DISC1: variants seen among roughly 807,000 people sequenced by gnomAD.
DISC1 encodes DISC1 scaffold protein.
A neutral mutation model predicts 84.5 loss-of-function variants in DISC1; 57 were observed. That is an observed-to-expected ratio of 0.67 (90% CI 0.55 to 0.84). The LOEUF (loss-of-function observed/expected upper bound fraction) is 0.84. Ranked by LOEUF, DISC1 falls within the 40% of genes least tolerant of loss-of-function variation. The probability of loss-of-function intolerance (pLI) is 0.00; values close to 1 mark genes in which losing one functional copy is unlikely to be tolerated. For missense variants in DISC1, 1,000 were observed against 1,057.8 expected, an observed-to-expected ratio of 0.95 and a Z score of 0.76; for synonymous variants, 411 against 415.2, an observed-to-expected ratio of 0.99 and a Z score of 0.12.
In DISC1 at chr1:232,036,916, C is replaced by A. The variant is rs867229727; in HGVS notation, c.*85C>A. 2 of 1,378,302 alleles carry A rather than the reference C, an allele frequency of 1.5e-6. No individual in the cohort carries two copies. The highest frequency in any genetic ancestry group is 1.4e-5 in the African/African-American group (1 of 69,276). The allele number at this position is 1,378,302 out of a possible 1,614,324, so 85.4% of individuals were successfully genotyped here. A position where few individuals can be genotyped will look rare whatever the true frequency, so the allele number is the denominator to read the frequency against. ...TCCCTCCCCCGCCATAGCTAAGATG[C>A]CTGAATCAATTACGGAGATACAGAG... On this transcript the variant is annotated 3_prime_UTR_variant, in exon 13 of 13. Coordinates refer to ENST00000439617, the MANE Select transcript of DISC1 (RefSeq NM_018662.3).
Position 231,721,920 on chromosome 1 carries a change from G to A in DISC1, c.1117+19896G>A, listed in dbSNP as rs1403481408. ...TGGAATCCCAGCACTTTGGGAGGTCGAGGCGGGCAGATCATGAGGTCAGGA... is the reference window on the plus strand; with the variant it reads ...TGGAATCCCAGCACTTTGGGAGGTCAAGGCGGGCAGATCATGAGGTCAGGA... On this transcript the variant is annotated intron_variant, in intron 3 of 12. Transcript: ENST00000439617. Among the ~76,000 whole-genome samples, 9 of 152,064 alleles carry A rather than the reference G, an allele frequency of 5.9e-5. No homozygotes were observed. The South Asian group carries it at 1.5e-3, about 25-fold the overall frequency.
At chr1:231,955,749 C>G (rs1659387211) in intron 9 of DISC1, among the ~76,000 whole-genome samples, 1 of 152,150 alleles carries the variant, frequency 6.6e-6, no homozygotes, top group African/African-American at 2.4e-5. Context: ...CTCAGCCTCC[C>G]AAAGTGCTGG....
intron 8 of DISC1, among the ~76,000 whole-genome samples, chr1:231,816,909 T>C (rs1459112901): frequency 1.3e-5 from 2 of 151,962 alleles, no homozygotes; most frequent in African/African-American, 4.8e-5. Flanking sequence ...TTCATTCTTC[T>C]TCGTCTTCTC....
rs116932155 is a variant in DISC1 at position 231,886,411 on chromosome 1, T to C, written c.1981+67894T>C. Among the ~76,000 whole-genome samples the C allele has an allele frequency of 5.7e-4, 87 of 152,332 alleles. No individual in the cohort carries two copies. In the East Asian group the frequency reaches 0.016, roughly 28 times the overall value. ...TTAGTTGTTAAGGAAAGAATTTCCA[T>C]GAAAGAAAAACGTGTCTGAGTTTTG... On this transcript the variant is annotated intron_variant, in intron 9 of 12. Coordinates refer to ENST00000439617, the MANE Select transcript of DISC1 (RefSeq NM_018662.3).
chr1:231,758,319 T>C (rs2125374908), intron 4 of DISC1, among the ~76,000 whole-genome samples: 1 of 152,258 alleles, frequency 6.6e-6, no homozygotes, highest in East Asian at 1.9e-4. Context: ...GTCTTCCTTC[T>C]TGCAGGGCAC....
At chr1:231,751,361 T>C (rs1224059984) in intron 4 of DISC1, among the ~76,000 whole-genome samples, 1 of 152,238 alleles carries the variant, frequency 6.6e-6, no homozygotes, top group Non-Finnish European at 1.5e-5. Context: ...TTCTATTTAT[T>C]TAACAAACAC....
At chr1:231,679,495 T>C (rs2063485913) in intron 1 of DISC1, among the ~76,000 whole-genome samples, 1 of 152,224 alleles carries the variant, frequency 6.6e-6, no homozygotes, top group South Asian at 2.1e-4. Flanking sequence ...CAAAAGCTTT[T>C]AAGAGGCACT....
At chr1:231,952,691 T>A (rs868177016) in intron 9 of DISC1, among the ~76,000 whole-genome samples, 1 of 141,838 alleles carries the variant, frequency 7.1e-6, no homozygotes, top group Non-Finnish European at 1.5e-5. Flanking sequence ...ATATATATGT[T>A]TATATATATA....
At chr1:231,778,235 G>C (rs534735420) in intron 6 of DISC1, among the ~76,000 whole-genome samples, 2 of 152,312 alleles carry the variant, frequency 1.3e-5, no homozygotes, top group East Asian at 1.9e-4. Flanking sequence ...AAATGTGAGA[G>C]GAAGAGAAAC....
At chr1:231,942,651 T>G (rs983960016) in intron 9 of DISC1, among the ~76,000 whole-genome samples, 6 of 151,362 alleles carry the variant, frequency 4.0e-5, no homozygotes, top group Non-Finnish European at 7.4e-5. Context: ...GGCAACAGAG[T>G]GAGACTGTCT....
At chr1:231,701,387 C>T (rs750631767) in intron 2 of DISC1, among the ~76,000 whole-genome samples, 14 of 152,182 alleles carry the variant, frequency 9.2e-5, no homozygotes, top group Non-Finnish European at 1.6e-4. Context: ...TGGTAACACT[C>T]AGAGAAGTAA....
At chr1:231,792,873 G>A (rs1314066433) in intron 6 of DISC1, among the ~76,000 whole-genome samples, 1 of 152,216 alleles carries the variant, frequency 6.6e-6, no homozygotes, top group Non-Finnish European at 1.5e-5. Flanking sequence ...TGTTCCCACT[G>A]AGTACACGAA....
At chr1:231,999,259 A>C (rs982271785) in intron 10 of DISC1, among the ~76,000 whole-genome samples, 3 of 152,208 alleles carry the variant, frequency 2.0e-5, no homozygotes, top group Admixed American at 2.0e-4. Flanking sequence ...TAATCAAATG[A>C]GAACTCTGAA....
At chr1:231,912,815 CCTTG>C (rs2089342390) in intron 9 of DISC1, among the ~76,000 whole-genome samples, 1 of 147,538 alleles carries the variant, frequency 6.8e-6, no homozygotes, top group Non-Finnish European at 1.5e-5. Flanking sequence ...CTTTTTCTTT[CCTTG>C]CTTCCTTCCT....
chr1:231,893,436 C>CTT (rs1193264174), intron 9 of DISC1, among the ~76,000 whole-genome samples: 56 of 152,272 alleles, frequency 3.7e-4, no homozygotes, highest in Admixed American at 3.6e-3. Context: ...AGAAAATTAT[C>CTT]TTGGAAATTT....
At chr1:231,821,578 A>T (rs1255907410) in intron 9 of DISC1, among the ~76,000 whole-genome samples, 1 of 152,216 alleles carries the variant, frequency 6.6e-6, no homozygotes, top group Non-Finnish European at 1.5e-5. Context: ...AGGAAAAGCT[A>T]AATCTATCTT....
At chr1:231,915,368 T>A (rs2089542783) in intron 9 of DISC1, among the ~76,000 whole-genome samples, 1 of 152,220 alleles carries the variant, frequency 6.6e-6, no homozygotes, top group Non-Finnish European at 1.5e-5. Context: ...ATCTGAATGT[T>A]GTCCCTTAAG....
chr1:231,930,348 C>T (rs11122376), intron 9 of DISC1, among the ~76,000 whole-genome samples: 1 of 152,006 alleles, frequency 6.6e-6, no homozygotes, highest in Non-Finnish European at 1.5e-5. Context: ...TCTTTTCACC[C>T]TAACATTTCC....
At chr1:231,791,853 C>T (rs1029931715) in intron 6 of DISC1, among the ~76,000 whole-genome samples, 2 of 152,118 alleles carry the variant, frequency 1.3e-5, no homozygotes, top group African/African-American at 4.8e-5. Context: ...GTTTGGGGAC[C>T]ACAGTGTGAT....
Sources: allele counts gnomAD v4.1 joint callset (sites outside exome capture counted in the v4.1 genomes callset), GRCh38; gene constraint gnomAD v4.1.1; transcripts MANE v1.5; gene names NCBI Gene and HGNC (gene_info 2026-07-23, HGNC 2026-07-21).